GRIN2B: variants seen among roughly 807,000 people sequenced by gnomAD.
GRIN2B encodes the protein glutamate receptor ionotropic, NMDA 2B.
A neutral mutation model predicts 114.5 loss-of-function variants in GRIN2B; 5 were observed. That is an observed-to-expected ratio of 0.04 (90% CI 0.02 to 0.09). The LOEUF (loss-of-function observed/expected upper bound fraction) is 0.09, where lower values mean the gene tolerates loss of function less well. Among genes scored for constraint, GRIN2B ranks in the 10% least tolerant of loss-of-function variants. The pLI is 1.00. For missense variants in GRIN2B, 1,108 were observed against 1,943.5 expected, an observed-to-expected ratio of 0.57 and a Z score of 8.08; for synonymous variants, 787 against 745.1, an observed-to-expected ratio of 1.06 and a Z score of -0.92.
chr12:13,607,460 A>T (rs374512374), intron 10 of GRIN2B, among the ~76,000 whole-genome samples: 1 of 92,628 alleles, frequency 1.1e-5, no homozygotes, highest in Non-Finnish European at 1.9e-5. Context: ...TAAATATATA[A>T]AATATATATA....
chr12:13,970,858 A>C (rs999614592), intron 2 of GRIN2B, among the ~76,000 whole-genome samples: 2 of 152,216 alleles, frequency 1.3e-5, no homozygotes, highest in Non-Finnish European at 2.9e-5. Context: ...GAACTGAAGG[A>C]AAAACCAGGA....
intron 4 of GRIN2B, among the ~76,000 whole-genome samples, chr12:13,723,890 GA>G (rs1315076009): frequency 6.6e-6 from 1 of 151,640 alleles, no homozygotes; most frequent in African/African-American, 2.4e-5. Flanking sequence ...CGATCCAGAG[GA>G]AAAAAACTAA....
Position 13,753,358 on chromosome 12 carries a change from G to A in GRIN2B, c.969C>T (p.Asn323=). 2 of 1,611,986 alleles carry A rather than the reference G, an allele frequency of 1.2e-6. No individual in the cohort carries two copies. The highest frequency in any genetic ancestry group is 1.7e-6 in the Non-Finnish European group (2 of 1,178,022). Reference sequence around the variant, plus strand: ...ACTGGTAGATTCTCTTCTCGTGGGTGTTGTAACAACTGCTTTTGGGCTCAG... The same window carrying A: ...ACTGGTAGATTCTCTTCTCGTGGGTATTGTAACAACTGCTTTTGGGCTCAG... The part of the protein sequence containing the change: ...FIPEPKSSCY[N]THEKRIYQSN... Residue 323 remains asparagine (N), a synonymous_variant, in exon 4 of 14, where the codon AAC becomes AAT. Coordinates refer to ENST00000609686, the MANE Select transcript of GRIN2B (RefSeq NM_000834.5). This position sits in a 1 kb window ranked among gnomAD's most constrained non-coding sequence, Gnocchi z 6.2.
At chr12:13,891,110 A>G (rs1481480023) in intron 2 of GRIN2B, among the ~76,000 whole-genome samples, 2 of 152,198 alleles carry the variant, frequency 1.3e-5, no homozygotes, top group Non-Finnish European at 2.9e-5. Context: ...TCATTTGTGC[A>G]ATGCCCTGGA....
At chr12:13,585,838 T>C (rs1167372993) in intron 10 of GRIN2B, among the ~76,000 whole-genome samples, 1 of 152,162 alleles carries the variant, frequency 6.6e-6, no homozygotes, top group Non-Finnish European at 1.5e-5. Context: ...TCTCTTTTGT[T>C]TTTAATTTAG....
At chr12:13,913,163 C>G (rs1288909358) in intron 2 of GRIN2B, among the ~76,000 whole-genome samples, 1 of 152,150 alleles carries the variant, frequency 6.6e-6, no homozygotes, top group African/African-American at 2.4e-5. Context: ...CCACATAGAT[C>G]TTTAGTACTG....
intron 2 of GRIN2B, among the ~76,000 whole-genome samples, chr12:13,926,779 C>T (rs1866920340): frequency 6.6e-6 from 1 of 152,064 alleles, no homozygotes; most frequent in African/African-American, 2.4e-5. Flanking sequence ...CGGTGAAACC[C>T]AAGCTCTACT....
At position 13,548,652 on chromosome 12, in the gene GRIN2B, A is replaced by T. The variant is rs936757408; in HGVS notation, c.*14131T>A. On this transcript the variant is annotated 3_prime_UTR_variant, in exon 14 of 14. Coordinates refer to ENST00000609686, the MANE Select transcript of GRIN2B (RefSeq NM_000834.5). ...AAAAAGATGAAGTCACCACGGAGTC[A>T]AGGTAGAAATAGCTACTGCCCCTCT... 2 of 152,142 alleles carry T rather than the reference A, an allele frequency of 1.3e-5. No homozygotes were observed. The highest frequency in any genetic ancestry group is 4.8e-5 in the African/African-American group (2 of 41,426). 9.4% of individuals were successfully genotyped at this position (152,142 alleles called of 1,614,324 possible). A position where few individuals can be genotyped will look rare whatever the true frequency, so the allele number is the denominator to read the frequency against.
chr12:13,849,164 A>C (rs1285693436), intron 3 of GRIN2B, among the ~76,000 whole-genome samples: 1 of 152,054 alleles, frequency 6.6e-6, no homozygotes, highest in Admixed American at 6.6e-5. Flanking sequence ...GTCTGGAAAA[A>C]ATGACATGGC....
chr12:13,588,244 C>T (rs1183221963), intron 10 of GRIN2B, among the ~76,000 whole-genome samples: 2 of 152,176 alleles, frequency 1.3e-5, no homozygotes, highest in Admixed American at 6.5e-5. Context: ...ATGTTTCTAA[C>T]CTACAGCAAA....
chr12:13,799,151 C>T lies in GRIN2B; in HGVS notation c.412-45236G>A, dbSNP rs191043554. Reference sequence around the variant, plus strand: ...CTGTTCTGAGGCCTTTATTTTGTGGCTTGGAAGTGCTTATTATTTGTACAC... The same window carrying T: ...CTGTTCTGAGGCCTTTATTTTGTGGTTTGGAAGTGCTTATTATTTGTACAC... On this transcript the variant is annotated intron_variant, in intron 3 of 13. Coordinates refer to ENST00000609686, the MANE Select transcript of GRIN2B (RefSeq NM_000834.5). Among the ~76,000 whole-genome samples the T allele has an allele frequency of 3.3e-5, 5 of 152,184 alleles. No homozygotes were observed. In the East Asian group the frequency reaches 5.8e-4, roughly 18 times the overall value.
At chr12:13,905,086 C>T (rs2136791528) in intron 2 of GRIN2B, among the ~76,000 whole-genome samples, 1 of 152,172 alleles carries the variant, frequency 6.6e-6, no homozygotes, top group South Asian at 2.1e-4. Flanking sequence ...TAAGTATGTA[C>T]AAATTCAAAA....
intron 4 of GRIN2B, among the ~76,000 whole-genome samples, chr12:13,709,471 GA>G (rs1415115142): frequency 1.3e-5 from 2 of 151,926 alleles, no homozygotes; most frequent in Non-Finnish European, 1.5e-5. Context: ...CAAAGACACA[GA>G]AGATAGAAAG....
Position 13,547,927 on chromosome 12 carries a change from T to TTATG in GRIN2B, c.*14852_*14855dup, listed in dbSNP as rs1948362812. On this transcript the variant is annotated 3_prime_UTR_variant, in exon 14 of 14. Transcript: ENST00000609686. The stretch of plus-strand genomic sequence containing the variant: ...GTCAATAGGCCTTACCCAAACAGGG[T>TTATG]TATGTATATGTATGTATGTATGTAT... The TTATG allele has an allele frequency of 7.0e-6, 1 of 143,474 alleles. No homozygotes were observed. The highest frequency in any genetic ancestry group is 2.5e-5 in the African/African-American group (1 of 39,278). 8.9% of individuals were successfully genotyped at this position (143,474 alleles called of 1,614,324 possible).
At chr12:13,650,878 G>C (rs1949806186) in intron 5 of GRIN2B, among the ~76,000 whole-genome samples, 1 of 151,998 alleles carries the variant, frequency 6.6e-6, no homozygotes, top group Non-Finnish European at 1.5e-5. Context: ...CTGAACCCTG[G>C]TGCTCGAGTA....
At chr12:13,804,157 CTT>C (rs10626018) in intron 3 of GRIN2B, among the ~76,000 whole-genome samples, 2 of 143,446 alleles carry the variant, frequency 1.4e-5, no homozygotes, top group African/African-American at 2.6e-5. Flanking sequence ...CTGCAGCTCT[CTT>C]TTTTTTTTTT....
In GRIN2B at chr12:13,552,806, G is replaced by C. The variant is rs1319683449; in HGVS notation, c.*9977C>G. The C allele has an allele frequency of 6.6e-6, 1 of 152,052 alleles. No individual in the cohort carries two copies. Among genetic ancestry groups the C allele is most frequent in the African/African-American group, 2.4e-5 (1 of 41,404 alleles). The allele number at this position is 152,052 out of a possible 1,614,324, so 9.4% of individuals were successfully genotyped here. ...TAGACTTATATTTTAATTTTCACTA[G>C]GTATCTCCCAAGTTGTCACAAGTTT... On this transcript the variant is annotated 3_prime_UTR_variant, in exon 14 of 14. Transcript: ENST00000609686.
At position 13,784,252 on chromosome 12, in the gene GRIN2B, A is replaced by G. The variant is rs867610761; in HGVS notation, c.412-30337T>C. On this transcript the variant is annotated intron_variant, in intron 3 of 13. Coordinates refer to ENST00000609686, the MANE Select transcript of GRIN2B (RefSeq NM_000834.5). ...AAAAAAAAAAAAAAAAAAAAAAAAA[A>G]AAAAAAATCCCTTTGCTGTCATAGC... is the stretch of plus-strand genomic sequence containing the variant. Among the ~76,000 whole-genome samples the G allele has an allele frequency of 1.7e-3, 217 of 128,820 alleles. 5 individuals carry two copies. Among genetic ancestry groups the G allele is most frequent in the African/African-American group, 6.1e-3 (206 of 33,498 alleles). The allele number at this position is 128,820 out of a possible 152,430, so 84.5% of individuals were successfully genotyped here.
At chr12:13,796,145 T>C (rs576958764) in intron 3 of GRIN2B, among the ~76,000 whole-genome samples, 10 of 151,356 alleles carry the variant, frequency 6.6e-5, no homozygotes, top group African/African-American at 2.4e-4. Flanking sequence ...CAACACACAT[T>C]GGCTATGAAT....
Sources: allele counts gnomAD v4.1 joint callset (sites outside exome capture counted in the v4.1 genomes callset), GRCh38; gene constraint gnomAD v4.1.1; non-coding constraint Gnocchi (gnomAD v3.1); transcripts MANE v1.5; gene names NCBI Gene and HGNC (gene_info 2026-07-23, HGNC 2026-07-21).